The following PTN variants were observed in gnomAD, a reference collection of about 807,000 sequenced individuals.
PTN encodes the protein pleiotrophin.
A neutral mutation model predicts 24.1 loss-of-function variants in PTN; 18 were observed. The ratio of observed to expected loss-of-function variants is 0.75; its 90% confidence interval spans 0.52 to 1.11. The LOEUF is 1.11. Among genes scored for constraint, PTN ranks in the 50% least tolerant of loss-of-function variants. The pLI, the probability that PTN is intolerant of heterozygous loss-of-function variation, is 0.00. For synonymous variants in PTN, 78 were observed against 68.6 expected (o/e 1.14, Z -0.67); for missense variants, 163 against 198.8 (o/e 0.82, Z 1.08).
At chr7:137,298,117 G>A (rs916296943) in intron 1 of PTN, among the ~76,000 whole-genome samples, 4 of 152,036 alleles carry the variant, frequency 2.6e-5, no homozygotes, top group African/African-American at 9.6e-5. Context: ...AGATCCACAC[G>A]CAACTTTAAG....
At chr7:137,258,519 G>T (rs1375120198) in intron 1 of PTN, among the ~76,000 whole-genome samples, 1 of 152,072 alleles carries the variant, frequency 6.6e-6, no homozygotes, top group Admixed American at 6.6e-5. Context: ...TTCTACTTAA[G>T]CCTATATTTT....
intron 1 of PTN, among the ~76,000 whole-genome samples, chr7:137,277,912 TA>T (rs374929975): frequency 6.9e-5 from 2 of 29,134 alleles, no homozygotes; most frequent in South Asian, 1.1e-3. Context: ...AGATGATAGA[TA>T]GATAGATAGA....
chr7:137,239,888 G>A (rs577539121), intron 4 of PTN, among the ~76,000 whole-genome samples: 8 of 152,224 alleles, frequency 5.3e-5, no homozygotes, highest in South Asian at 4.1e-4. Flanking sequence ...AGAGGAGACC[G>A]TGACTTAATA....
At chr7:137,339,560 T>A in intron 1 of PTN, among the ~76,000 whole-genome samples, 1 of 85,772 alleles carries the variant, frequency 1.2e-5, no homozygotes. Context: ...TTAGGCAGGG[T>A]CTTGAATCAA....
chr7:137,235,371 G>A (rs779171046), intron 4 of PTN, among the ~76,000 whole-genome samples: 3 of 152,100 alleles, frequency 2.0e-5, no homozygotes, highest in Non-Finnish European at 4.4e-5. Context: ...AGTGATTCAG[G>A]AACTAAAATC....
At chr7:137,317,997 T>C (rs1044254788) in intron 1 of PTN, among the ~76,000 whole-genome samples, 1 of 152,162 alleles carries the variant, frequency 6.6e-6, no homozygotes, top group Non-Finnish European at 1.5e-5. Flanking sequence ...CCAGGCACTG[T>C]GGTTGACGCC....
chr7:137,234,683 G>C (rs752804785), intron 4 of PTN, among the ~76,000 whole-genome samples: 3 of 152,068 alleles, frequency 2.0e-5, no homozygotes, highest in Non-Finnish European at 4.4e-5. Flanking sequence ...ACCTTAAGGG[G>C]ACATGTTTTT....
intron 1 of PTN, among the ~76,000 whole-genome samples, chr7:137,297,724 CA>C (rs1809741030): frequency 6.6e-6 from 1 of 152,062 alleles, no homozygotes; most frequent in African/African-American, 2.4e-5. Context: ...CTCCATTGGC[CA>C]AAGCAAAGCA....
intron 4 of PTN, among the ~76,000 whole-genome samples, chr7:137,238,706 T>C (rs1317185716): frequency 2.6e-5 from 4 of 152,172 alleles, no homozygotes; most frequent in Non-Finnish European, 5.9e-5. Flanking sequence ...TTTGTGCAAG[T>C]TGCAACCTTA....
rs144267918 is a variant in PTN, at chr7:137,328,196, T to G, written c.-2+15243A>C. Among the ~76,000 whole-genome samples, 152 of 152,332 alleles carry G rather than the reference T, an allele frequency of 1.0e-3. 1 individual carries two copies. The highest frequency in any genetic ancestry group is 8.9e-3 in the East Asian group (46 of 5,188). On this transcript the variant is annotated intron_variant, in intron 1 of 4. Transcript: ENST00000348225. ...TGTGTGACTAGCCCTTTAAGATAGA[T>G]CACTGCTTTTACCCTAGCTCTTGTA...
At chr7:137,332,587 G>A (rs1384104606) in intron 1 of PTN, among the ~76,000 whole-genome samples, 1 of 152,152 alleles carries the variant, frequency 6.6e-6, no homozygotes, top group Non-Finnish European at 1.5e-5. Flanking sequence ...ATAGACACCG[G>A]TTAAAAATAA....
At chr7:137,269,760 G>A (rs1330803039) in intron 1 of PTN, among the ~76,000 whole-genome samples, 1 of 148,484 alleles carries the variant, frequency 6.7e-6, no homozygotes, top group Non-Finnish European at 1.5e-5. Flanking sequence ...GGCCTCCCAA[G>A]TAGTTGGGAT....
chr7:137,276,442 T>G (rs72611542), intron 1 of PTN, among the ~76,000 whole-genome samples: 14,838 of 152,220 alleles, frequency 0.097, 929 homozygotes, highest in South Asian at 0.27. Context: ...CGTCCTGCAA[T>G]GCTTTAGCTT....
rs570594702 is a variant in PTN, at chr7:137,273,077, C to T, written c.-1-18103G>A. Among the ~76,000 whole-genome samples, 21 of 152,286 alleles carry T rather than the reference C, an allele frequency of 1.4e-4. No individual in the cohort carries two copies. The South Asian group carries it at 4.1e-3, about 30-fold the overall frequency. Reference sequence around the variant, plus strand: ...TACTGTGTGTGTGTAGACACAAACACTTGTATTCATCTTCCTTCAGTAATC... The same window carrying T: ...TACTGTGTGTGTGTAGACACAAACATTTGTATTCATCTTCCTTCAGTAATC... On this transcript the variant is annotated intron_variant, in intron 1 of 4. Transcript: ENST00000348225.
At chr7:137,295,150 A>G (rs1417210799) in intron 1 of PTN, among the ~76,000 whole-genome samples, 3 of 152,162 alleles carry the variant, frequency 2.0e-5, no homozygotes, top group Non-Finnish European at 4.4e-5. Context: ...TAGAGACTCT[A>G]TGAACAGAAA....
chr7:137,273,583 A>G (rs1809311388), intron 1 of PTN, among the ~76,000 whole-genome samples: 1 of 152,198 alleles, frequency 6.6e-6, no homozygotes, highest in Non-Finnish European at 1.5e-5. Context: ...GGACCATGTA[A>G]GCAAATGAAT....
rs138213515 is a variant in PTN, at chr7:137,337,044, CTAA to C, written c.-2+6392_-2+6394del. ...TATTGAGCGATTAAGGCTACTGTTT[CTAA>C]TGTTTCATCCGTATCCACATGCCCT... On this transcript the variant is annotated intron_variant, in intron 1 of 4. Coordinates refer to ENST00000348225, the MANE Select transcript of PTN (RefSeq NM_002825.7). Among the ~76,000 whole-genome samples, 834 of 152,296 alleles carry C rather than the reference CTAA, an allele frequency of 5.5e-3. 26 individuals carry two copies. In the East Asian group the frequency reaches 0.085, roughly 16 times the overall value.
chr7:137,305,276 A>C (rs756035094), intron 1 of PTN, among the ~76,000 whole-genome samples: 1 of 152,082 alleles, frequency 6.6e-6, no homozygotes, highest in African/African-American at 2.4e-5. Flanking sequence ...CCTATTAATC[A>C]TATCTGAAAA....
intron 1 of PTN, among the ~76,000 whole-genome samples, chr7:137,336,435 G>A (rs1810449802): frequency 6.6e-6 from 1 of 152,126 alleles, no homozygotes; most frequent in Non-Finnish European, 1.5e-5. Flanking sequence ...TAAAGTGCCT[G>A]TCTCTTGGAT....
Sources: allele counts gnomAD v4.1 joint callset (sites outside exome capture counted in the v4.1 genomes callset), GRCh38; gene constraint gnomAD v4.1.1; transcripts MANE v1.5; gene names NCBI Gene and HGNC (gene_info 2026-07-23, HGNC 2026-07-21).